The following SLC6A6 variants were observed in gnomAD, a reference collection of about 807,000 sequenced individuals.
SLC6A6 encodes sodium- and chloride-dependent taurine transporter.
SLC6A6 carries 16 observed loss-of-function variants against 68.8 expected under a neutral mutation model. That is an observed-to-expected ratio of 0.23 (90% CI 0.16 to 0.35). The LOEUF is 0.35. SLC6A6 is among the 10% of genes least tolerant of loss of function. The pLI, the probability that SLC6A6 is intolerant of heterozygous loss-of-function variation, is 1.00. For synonymous variants in SLC6A6, 312 were observed against 315.4 expected (o/e 0.99, Z 0.12); for missense variants, 474 against 802.8 (o/e 0.59, Z 4.95).
chr3:14,453,908 G>C (rs1267365699), intron 5 of SLC6A6, among the ~76,000 whole-genome samples: 4 of 152,206 alleles, frequency 2.6e-5, no homozygotes, highest in Non-Finnish European at 5.9e-5. Flanking sequence ...CCTGTTCAGG[G>C]AATGGCCCAG....
At position 14,450,854 on chromosome 3, in the gene SLC6A6, G is replaced by A. The variant is rs886100600; in HGVS notation, c.599+3038G>A. Among the ~76,000 whole-genome samples, 3 of 152,250 alleles carry A rather than the reference G, an allele frequency of 2.0e-5. No individual in the cohort carries two copies. Among genetic ancestry groups the A allele is most frequent in the South Asian group, 2.1e-4 (1 of 4,830 alleles). ...CCAGTAGGGAATAGTTGACTCCTGTGAGCATAGTACTAGGAACTTGCCCCT... is the reference window on the plus strand; with the variant it reads ...CCAGTAGGGAATAGTTGACTCCTGTAAGCATAGTACTAGGAACTTGCCCCT... On this transcript the variant is annotated intron_variant, in intron 5 of 14. Coordinates refer to ENST00000622186, the MANE Select transcript of SLC6A6 (RefSeq NM_003043.6). This position sits in a 1 kb window ranked among gnomAD's most constrained non-coding sequence, Gnocchi z 4.1.
intron 2 of SLC6A6, among the ~76,000 whole-genome samples, chr3:14,425,464 G>T (rs1014641459): frequency 6.6e-6 from 1 of 151,562 alleles, no homozygotes; most frequent in African/African-American, 2.4e-5. Flanking sequence ...TCGGCCATCT[G>T]GGGGTCAGCA....
intron 5 of SLC6A6, among the ~76,000 whole-genome samples, chr3:14,452,190 C>T (rs568126910): frequency 8.7e-4 from 133 of 152,312 alleles, no homozygotes; most frequent in African/African-American, 2.2e-3. Flanking sequence ...GTGACATTCC[C>T]CTTTCCTTGT....
chr3:14,429,977 G>C lies in SLC6A6; in HGVS notation c.-12+13524G>C, dbSNP rs146563686. ...GATTTGAGCTGGAGGATGCTAAACG[G>C]AAGAGTCTTGGGTGGGCGGGAAGGG... On this transcript the variant is annotated intron_variant, in intron 2 of 14. Transcript: ENST00000622186. Among the ~76,000 whole-genome samples the C allele has an allele frequency of 7.2e-3, 1,056 of 147,152 alleles. 6 individuals are homozygous for C. The highest frequency in any genetic ancestry group is 0.013 in the Non-Finnish European group (842 of 66,490).
chr3:14,409,762 C>T (rs1280030057), intron 1 of SLC6A6, among the ~76,000 whole-genome samples: 3 of 152,210 alleles, frequency 2.0e-5, no homozygotes, highest in Non-Finnish European at 2.9e-5. Context: ...AGAGCAGCCC[C>T]AGGCTGTGGA....
chr3:14,405,229 T>A (rs1699080396), intron 1 of SLC6A6, among the ~76,000 whole-genome samples: 1 of 152,164 alleles, frequency 6.6e-6, no homozygotes, highest in Non-Finnish European at 1.5e-5. Context: ...CTTCTGTCCC[T>A]AGTTACTCAT....
chr3:14,428,981 G>A (rs765540030), intron 2 of SLC6A6, among the ~76,000 whole-genome samples: 1 of 152,166 alleles, frequency 6.6e-6, no homozygotes, highest in African/African-American at 2.4e-5. Flanking sequence ...CTGCTCAGCT[G>A]AACTGTGCCC....
intron 7 of SLC6A6, among the ~76,000 whole-genome samples, chr3:14,467,469 C>T (rs996734655): frequency 1.3e-5 from 2 of 152,168 alleles, no homozygotes; most frequent in African/African-American, 4.8e-5. Flanking sequence ...TGGGCTGAAT[C>T]GCCACTCTTT....
At chr3:14,457,500 A>G (rs1380215355) in intron 5 of SLC6A6, among the ~76,000 whole-genome samples, 3 of 152,244 alleles carry the variant, frequency 2.0e-5, no homozygotes, top group Admixed American at 6.5e-5. Context: ...GGGGAGGGCA[A>G]CACTTTATAG....
intron 1 of SLC6A6, among the ~76,000 whole-genome samples, chr3:14,413,932 TA>T (rs1412237235): frequency 6.6e-6 from 1 of 152,246 alleles, no homozygotes; most frequent in Non-Finnish European, 1.5e-5. Context: ...ACTTCAGTTT[TA>T]TTTTTTTTAT....
In SLC6A6 at chr3:14,402,678, GCCGCCGCCAACGCCGAGCC is replaced by G; in HGVS notation, c.-219_-201del. On this transcript the variant is annotated 5_prime_UTR_variant, in exon 1 of 15. Coordinates refer to ENST00000622186, the MANE Select transcript of SLC6A6 (RefSeq NM_003043.6). The surrounding 1 kb of genome is among the most constrained non-coding windows in gnomAD (Gnocchi z 4.8). ...GCTTATAAATTACCGCTTCCTTCGC[GCCGCCGCCAACGCCGAGCC>G]CCGAGGACCGCAAGCCCAGAGGACA... The G allele has an allele frequency of 2.5e-6, 1 of 398,294 alleles. No homozygotes were observed. The highest frequency in any genetic ancestry group is 3.6e-5 in the East Asian group (1 of 28,038). 24.7% of individuals were successfully genotyped at this position (398,294 alleles called of 1,614,324 possible).
At chr3:14,404,431 G>A (rs2124887697) in intron 1 of SLC6A6, among the ~76,000 whole-genome samples, 1 of 152,260 alleles carries the variant, frequency 6.6e-6, no homozygotes, top group East Asian at 1.9e-4. Context: ...GGGTGGGACT[G>A]GTAGAATGGT....
rs547525333 is a variant in SLC6A6, at chr3:14,424,119, G to C, written c.-12+7666G>C. Among the ~76,000 whole-genome samples the C allele has an allele frequency of 2.0e-5, 3 of 152,300 alleles. No individual in the cohort carries two copies. In the South Asian group the frequency reaches 6.2e-4, roughly 32 times the overall value. The stretch of plus-strand genomic sequence containing the variant: ...TGGAAAGGCCCCAGCAAGAGTGTTT[G>C]ACGTTAGGGGAAGTTTGGGGAAAAA... On this transcript the variant is annotated intron_variant, in intron 2 of 14. Coordinates refer to ENST00000622186, the MANE Select transcript of SLC6A6 (RefSeq NM_003043.6).
At chr3:14,446,260 C>A (rs1267413155) in intron 4 of SLC6A6, among the ~76,000 whole-genome samples, 1 of 152,222 alleles carries the variant, frequency 6.6e-6, no homozygotes, top group Non-Finnish European at 1.5e-5. Context: ...ATGGCCTTTG[C>A]AGCAACGTGG....
At chr3:14,474,144 A>C (rs1700817670) in intron 10 of SLC6A6, among the ~76,000 whole-genome samples, 1 of 152,208 alleles carries the variant, frequency 6.6e-6, no homozygotes, top group Non-Finnish European at 1.5e-5. Context: ...CTGGTCTCCC[A>C]GGCCCCATGT....
chr3:14,444,058 G>C (rs1193986466), intron 3 of SLC6A6, 195 bp downstream of exon 3: 3 of 579,152 alleles, frequency 5.2e-6, no homozygotes, highest in East Asian at 2.9e-5. Context: ...CTGAGAATCA[G>C]AGTACTGTTC....
intron 1 of SLC6A6, among the ~76,000 whole-genome samples, chr3:14,403,915 G>A (rs1699045983): frequency 6.6e-6 from 1 of 152,240 alleles, no homozygotes; most frequent in Non-Finnish European, 1.5e-5. Context: ...AGGGCCACCG[G>A]CCTGGCTATT....
rs115695949 is a variant in SLC6A6 at position 14,467,495 on chromosome 3, C to G, written c.868-358C>G. Among the ~76,000 whole-genome samples, 1,508 of 152,268 alleles carry G rather than the reference C, an allele frequency of 9.9e-3. 19 individuals carry two copies. Among genetic ancestry groups the G allele is most frequent in the African/African-American group, 0.033 (1,384 of 41,544 alleles). ...GCCACTCTTTGAACCTGGGAAATAG[C>G]TCTATGGGGTAGGGCAAAGGAGCCC... On this transcript the variant is annotated intron_variant, in intron 7 of 14. Coordinates refer to ENST00000622186, the MANE Select transcript of SLC6A6 (RefSeq NM_003043.6).
chr3:14,412,347 T>C (rs111531682), intron 1 of SLC6A6, among the ~76,000 whole-genome samples: 303 of 152,214 alleles, frequency 2.0e-3, no homozygotes, highest in African/African-American at 7.0e-3. Context: ...CTTCTGCCAC[T>C]GGTAGAATAT....
Sources: allele counts gnomAD v4.1 joint callset (sites outside exome capture counted in the v4.1 genomes callset), GRCh38; gene constraint gnomAD v4.1.1; non-coding constraint Gnocchi (gnomAD v3.1); transcripts MANE v1.5; gene names NCBI Gene and HGNC (gene_info 2026-07-23, HGNC 2026-07-21).